The following TKTL1 variants were observed in gnomAD, a reference collection of about 807,000 sequenced individuals.
TKTL1 encodes the protein transketolase-like protein 1.
In TKTL1, 1 loss-of-function variant was observed where a neutral mutation model predicts 39.3. The observed-to-expected ratio is 0.03, with a 90% confidence interval of 0.01 to 0.12. The LOEUF (loss-of-function observed/expected upper bound fraction) is 0.12. Ranked by LOEUF, TKTL1 falls within the 10% of genes least tolerant of loss-of-function variation. The probability of loss-of-function intolerance (pLI) is 1.00; values close to 1 mark genes in which losing one functional copy is unlikely to be tolerated. For synonymous variants in TKTL1, 262 were observed against 193.8 expected (o/e 1.35, Z -2.92); for missense variants, 575 against 509.6 (o/e 1.13, Z -1.24).
chrX:154,314,709 G>T (rs1213123085), intron 6 of TKTL1, among the ~76,000 whole-genome samples: 2 of 111,028 alleles, frequency 1.8e-5, no homozygotes, highest in Admixed American at 1.9e-4. Context: ...ATTTTTAGTA[G>T]AGACGGGGTT....
At chrX:154,321,037 C>T (rs1603354273) in intron 8 of TKTL1, 124 bp downstream of exon 8, 2 of 828,312 alleles carry the variant, frequency 2.4e-6, no homozygotes, top group East Asian at 6.4e-5. Context: ...AAGCCTTTTT[C>T]TTGAAAAAGC....
intron 8 of TKTL1, 76 bp from the exon 9 acceptor site, chrX:154,323,131 C>G (rs1305881483): frequency 4.4e-6 from 5 of 1,146,439 alleles, no homozygotes; most frequent in African/African-American, 1.8e-5. Flanking sequence ...ATTGCTTCTT[C>G]AGAGCTAGAA....
Position 154,310,984 on chromosome X carries a change from G to A in TKTL1, c.499G>A (p.Glu167Lys). Residue 167 changes from glutamate to lysine, a missense_variant, in exon 4 of 13, where the codon GAG (glutamate) becomes AAG (lysine). Transcript: ENST00000369915. ...GGGACACAGTGGTGCATTGCCCGCC[G>A]AGCACTGCATAAACATCTATCAGAG... ...RLGHSGALPA[E>K]HCINIYQRRC... 8.3e-7 allele frequency: 1 copy of A among 1,212,038 alleles called. No individual in the cohort carries two copies. The highest frequency in any genetic ancestry group is 1.1e-6 in the Non-Finnish European group (1 of 895,593).
At chrX:154,298,293 G>T (rs1420927650) in intron 1 of TKTL1, among the ~76,000 whole-genome samples, 1 of 110,725 alleles carries the variant, frequency 9.0e-6, no homozygotes, top group Admixed American at 9.7e-5. Context: ...GTTCACTGCA[G>T]CCTCGAACTC....
Position 154,304,359 on chromosome X carries a change from A to C in TKTL1, c.135-945A>C, listed in dbSNP as rs1369356572. On this transcript the variant is annotated intron_variant, in intron 1 of 12. Transcript: ENST00000369915. Reference sequence around the variant, plus strand: ...GCCCTGCAGCCTGGTGGGCTCTGCCATCAGCACCCCAAAACCATTCATCAG... The same window carrying C: ...GCCCTGCAGCCTGGTGGGCTCTGCCCTCAGCACCCCAAAACCATTCATCAG... Among the ~76,000 whole-genome samples the C allele has an allele frequency of 4.5e-5, 5 of 111,258 alleles. No individual in the cohort carries two copies. The Admixed American group carries it at 4.7e-4, about 11-fold the overall frequency.
intron 1 of TKTL1, among the ~76,000 whole-genome samples, chrX:154,303,180 TA>T (rs1557166358): frequency 3.0e-4 from 10 of 33,401 alleles, no homozygotes; most frequent in Non-Finnish European, 4.5e-4. Context: ...TTAAAATTTT[TA>T]TTTATTTATT....
In TKTL1 at chrX:154,324,272, C is replaced by T. The variant is rs141209107; in HGVS notation, c.1317+935C>T. Among the ~76,000 whole-genome samples, 119 of 110,962 alleles carry T rather than the reference C, an allele frequency of 1.1e-3. 1 individual carries two copies. The highest frequency in any genetic ancestry group is 1.7e-3 in the East Asian group (6 of 3,519). ...CCTGCCTCAGCCTCCTGAGTAGCTG[C>T]GACTAGAGGTGCACTCCACCACGGC... is the stretch of plus-strand genomic sequence containing the variant. On this transcript the variant is annotated intron_variant, in intron 9 of 12. Transcript: ENST00000369915.
chrX:154,305,059 ACTT>A lies in TKTL1; in HGVS notation c.135-244_135-242del, dbSNP rs782221904. ...TACTCATGTCAGAGGCACAAAGGAA[ACTT>A]GCCCCGAGTCCACGGTGCTCTGCGG... On this transcript the variant is annotated intron_variant, in intron 1 of 12. Coordinates refer to ENST00000369915, the MANE Select transcript of TKTL1 (RefSeq NM_012253.4). 5.3e-6 allele frequency: 6 copies of A among 1,121,500 alleles called. No individual in the cohort carries two copies. The South Asian group carries it at 1.2e-4, about 22-fold the overall frequency. The allele number at this position is 1,121,500 out of a possible 1,213,427, so 92.4% of individuals were successfully genotyped here.
intron 7 of TKTL1, chrX:154,320,252 AG>A (rs1226002850): frequency 8.7e-6 from 1 of 115,132 alleles, no homozygotes; most frequent in Admixed American, 9.1e-5. Flanking sequence ...ATGAGAAAGC[AG>A]GGGCAATGAC....
chrX:154,301,747 TTTTC>T (rs1448828640), intron 1 of TKTL1, among the ~76,000 whole-genome samples: 5 of 106,479 alleles, frequency 4.7e-5, no homozygotes, highest in South Asian at 4.1e-4. Context: ...TTAGTCCCCA[TTTTC>T]TTTCTTTTTT....
intron 1 of TKTL1, among the ~76,000 whole-genome samples, chrX:154,297,158 A>G (rs1427977748): frequency 8.9e-6 from 1 of 112,023 alleles, no homozygotes; most frequent in Non-Finnish European, 1.9e-5. Context: ...GGAATTGAGT[A>G]CGAATTGGAA....
intron 2 of TKTL1, among the ~76,000 whole-genome samples, chrX:154,308,922 C>G (rs938875651): frequency 5.4e-5 from 6 of 110,980 alleles, no homozygotes; most frequent in African/African-American, 2.0e-4. Flanking sequence ...TAGGATTGAA[C>G]ATGTGATTTG....
chrX:154,305,788 C>T (rs1162842341), intron 2 of TKTL1, among the ~76,000 whole-genome samples: 1 of 110,670 alleles, frequency 9.0e-6, no homozygotes, highest in Non-Finnish European at 1.9e-5. Context: ...TGAGTGTAAC[C>T]GGGAGGGACA....
intron 5 of TKTL1, among the ~76,000 whole-genome samples, chrX:154,312,090 C>T (rs1173838467): frequency 8.9e-6 from 1 of 112,141 alleles, no homozygotes; most frequent in African/African-American, 3.2e-5. Context: ...CCACTCCAAA[C>T]CCTTCAATGG....
At chrX:154,300,190 A>G (rs1557165611) in intron 1 of TKTL1, among the ~76,000 whole-genome samples, 2 of 110,540 alleles carry the variant, frequency 1.8e-5, no homozygotes, top group African/African-American at 3.3e-5. Context: ...TAATTTTTGT[A>G]TTTTTAGTAG....
Position 154,305,217 on chromosome X carries a change from C to G in TKTL1, c.135-87C>G, listed in dbSNP as rs5987239. 11,374 of 1,178,556 alleles carry G rather than the reference C, an allele frequency of 9.7e-3. 682 individuals are homozygous for G. The African/African-American group carries it at 0.18, about 19-fold the overall frequency. ...TTCTTCCCGGGCTGGGAGAAATGAC[C>G]GCTTCTATGAGGAGACCATGTGCCG... On this transcript the variant is annotated intron_variant, in intron 1 of 12. Transcript: ENST00000369915.
At chrX:154,302,021 G>A (rs2067277679) in intron 1 of TKTL1, among the ~76,000 whole-genome samples, 1 of 109,703 alleles carries the variant, frequency 9.1e-6, no homozygotes, top group Non-Finnish European at 1.9e-5. Flanking sequence ...TGGTTTCCTC[G>A]CTGTTTGCCG....
At position 154,324,795 on chromosome X, in the gene TKTL1, G is replaced by A. The variant is rs782565045; in HGVS notation, c.1318-544G>A. Among the ~76,000 whole-genome samples, 6 of 112,092 alleles carry A rather than the reference G, an allele frequency of 5.4e-5. No homozygotes were observed. The South Asian group carries it at 1.5e-3, about 27-fold the overall frequency. On this transcript the variant is annotated intron_variant, in intron 9 of 12. Transcript: ENST00000369915. ...AGTAGCGACGTTTCTTGCTATATTC[G>A]TTTATAATGCATCCATTAATATGTA...
intron 7 of TKTL1, among the ~76,000 whole-genome samples, chrX:154,316,757 G>GTT (rs66751488): frequency 1.6e-4 from 16 of 100,879 alleles, no homozygotes; most frequent in East Asian, 1.3e-3. Flanking sequence ...GTGGTTTTTG[G>GTT]TTTTTTTTTG....
Sources: allele counts gnomAD v4.1 joint callset (sites outside exome capture counted in the v4.1 genomes callset), GRCh38; gene constraint gnomAD v4.1.1; transcripts MANE v1.5; gene names NCBI Gene and HGNC (gene_info 2026-07-23, HGNC 2026-07-21).